The following GRIK1 variants were observed in gnomAD, a reference collection of about 807,000 sequenced individuals.
GRIK1 encodes glutamate ionotropic receptor kainate type subunit 1.
A neutral mutation model predicts 105.7 loss-of-function variants in GRIK1; 69 were observed. That is an observed-to-expected ratio of 0.65 (90% CI 0.54 to 0.80). The LOEUF is 0.80. GRIK1 is among the 30% of genes least tolerant of loss of function. GRIK1 has a pLI of 0.00. For missense variants in GRIK1, 1,109 were observed against 1,167.3 expected (o/e 0.95, Z 0.73); for synonymous variants, 438 against 431.3 (o/e 1.02, Z -0.19).
At chr21:29,685,682 A>T (rs981285087) in intron 3 of GRIK1, among the ~76,000 whole-genome samples, 1 of 152,170 alleles carries the variant, frequency 6.6e-6, no homozygotes, top group Non-Finnish European at 1.5e-5. Flanking sequence ...TTAGCCATTA[A>T]CACTGTTGGG....
At chr21:29,586,603 G>T (rs1286564087) in intron 12 of GRIK1, among the ~76,000 whole-genome samples, 1 of 152,194 alleles carries the variant, frequency 6.6e-6, no homozygotes, top group Non-Finnish European at 1.5e-5. Flanking sequence ...GACAGCAAAT[G>T]TTTAAGCCAA....
Position 29,769,571 on chromosome 21 carries a change from G to T in GRIK1, c.119-75508C>A, listed in dbSNP as rs146718088. ...CACAATAGGGTTTGCGCTCCTAAGA[G>T]AATCTAATGTCCCCGCTGATCTGAC... On this transcript the variant is annotated intron_variant, in intron 1 of 17. Coordinates refer to ENST00000327783, the MANE Select transcript of GRIK1 (RefSeq NM_001330994.2). Among the ~76,000 whole-genome samples, 9 of 152,226 alleles carry T rather than the reference G, an allele frequency of 5.9e-5. No individual in the cohort carries two copies. The East Asian group carries it at 1.5e-3, about 26-fold the overall frequency.
chr21:29,566,375 T>C (rs1025445323), intron 14 of GRIK1, among the ~76,000 whole-genome samples: 2 of 152,216 alleles, frequency 1.3e-5, no homozygotes, highest in African/African-American at 4.8e-5. Flanking sequence ...AAATCTGAAA[T>C]CACCCAGGAT....
intron 1 of GRIK1, among the ~76,000 whole-genome samples, chr21:29,899,862 T>C (rs1335843208): frequency 6.6e-6 from 1 of 152,142 alleles, no homozygotes; most frequent in African/African-American, 2.4e-5. Context: ...CCTTCCCAAA[T>C]GTCTCAGACA....
intron 7 of GRIK1, among the ~76,000 whole-genome samples, chr21:29,621,358 T>A (rs889752198): frequency 6.6e-6 from 1 of 151,988 alleles, no homozygotes; most frequent in African/African-American, 2.4e-5. Context: ...GCTATGTAAC[T>A]AGAAAATTGA....
At chr21:29,765,371 T>G (rs1178627734) in intron 1 of GRIK1, among the ~76,000 whole-genome samples, 1 of 152,104 alleles carries the variant, frequency 6.6e-6, no homozygotes, top group Admixed American at 6.5e-5. Context: ...ACTTTGCAAT[T>G]TCCTTCTAAT....
Position 29,683,700 on chromosome 21 carries a change from A to G in GRIK1, c.544+6028T>C, listed in dbSNP as rs532863055. Reference sequence around the variant, plus strand: ...CTGCATGGGTGACAGGATCATTCATACTCCAAACCTCAACATCATGCAATA... The same window carrying G: ...CTGCATGGGTGACAGGATCATTCATGCTCCAAACCTCAACATCATGCAATA... On this transcript the variant is annotated intron_variant, in intron 3 of 17. Transcript: ENST00000327783. Among the ~76,000 whole-genome samples the G allele has an allele frequency of 3.4e-3, 513 of 152,246 alleles. 1 individual carries two copies. Among genetic ancestry groups the G allele is most frequent in the Non-Finnish European group, 6.2e-3 (424 of 68,014 alleles).
At chr21:29,781,839 T>G (rs1226072794) in intron 1 of GRIK1, among the ~76,000 whole-genome samples, 1 of 144,740 alleles carries the variant, frequency 6.9e-6, no homozygotes, top group African/African-American at 2.6e-5. Context: ...CCCGGCTAAT[T>G]TTTTGTATTT....
intron 1 of GRIK1, among the ~76,000 whole-genome samples, chr21:29,761,101 T>G (rs2065502648): frequency 6.6e-6 from 1 of 152,224 alleles, no homozygotes; most frequent in Non-Finnish European, 1.5e-5. Flanking sequence ...AGTTTCACCA[T>G]GAAGCCTGTG....
intron 1 of GRIK1, among the ~76,000 whole-genome samples, chr21:29,876,395 T>C (rs1006324515): frequency 1.3e-5 from 2 of 152,168 alleles, no homozygotes; most frequent in African/African-American, 4.8e-5. Flanking sequence ...TATAGGAATA[T>C]ATTTGTGTCT....
chr21:29,849,254 G>A (rs547449107), intron 1 of GRIK1, among the ~76,000 whole-genome samples: 1 of 152,158 alleles, frequency 6.6e-6, no homozygotes, highest in South Asian at 2.1e-4. Flanking sequence ...CTTCTAGTAT[G>A]GTGCCAAACA....
intron 1 of GRIK1, among the ~76,000 whole-genome samples, chr21:29,875,016 A>G (rs1287412475): frequency 7.3e-6 from 1 of 137,900 alleles, no homozygotes; most frequent in Non-Finnish European, 1.6e-5. Flanking sequence ...TTTTTTTTTA[A>G]TATGTGTGTG....
intron 1 of GRIK1, among the ~76,000 whole-genome samples, chr21:29,773,277 G>A (rs2065859340): frequency 6.6e-6 from 1 of 152,150 alleles, no homozygotes; most frequent in African/African-American, 2.4e-5. Context: ...GGACACAGAG[G>A]GCTGTATTTT....
At chr21:29,630,729 T>C (rs1052289078) in intron 7 of GRIK1, 3 of 380,560 alleles carry the variant, frequency 7.9e-6, no homozygotes, top group African/African-American at 6.4e-5. Context: ...AGATAATAAA[T>C]GATTGTTGTT....
chr21:29,764,471 C>T (rs2065608435), intron 1 of GRIK1, among the ~76,000 whole-genome samples: 1 of 152,084 alleles, frequency 6.6e-6, no homozygotes, highest in South Asian at 2.1e-4. Flanking sequence ...AAGTAATTTC[C>T]CTATTGCAAA....
chr21:29,722,276 GTATT>G (rs1339564505), intron 1 of GRIK1, among the ~76,000 whole-genome samples: 1 of 152,076 alleles, frequency 6.6e-6, no homozygotes, highest in Non-Finnish European at 1.5e-5. Flanking sequence ...TGGTTGGAGG[GTATT>G]ATCATAAAAA....
At chr21:29,859,176 C>T (rs2068558289) in intron 1 of GRIK1, among the ~76,000 whole-genome samples, 1 of 142,786 alleles carries the variant, frequency 7.0e-6, no homozygotes, top group South Asian at 2.2e-4. Flanking sequence ...AACACTTGGA[C>T]ACAGGAAGGG....
rs7283994 is a variant in GRIK1, at chr21:29,903,666, G to A, written c.118+35717C>T. On this transcript the variant is annotated intron_variant, in intron 1 of 17. Coordinates refer to ENST00000327783, the MANE Select transcript of GRIK1 (RefSeq NM_001330994.2). ...GGAGAGGTTGTGGAAAAATAGAAAC[G>A]CTTTTATACTGTTGGTGGAAGTGTA... 2.8e-3 allele frequency among the ~76,000 whole-genome samples: 428 copies of A among 152,240 alleles called. 2 individuals carry two copies. Among genetic ancestry groups the A allele is most frequent in the African/African-American group, 9.1e-3 (379 of 41,538 alleles).
At chr21:29,828,011 CTGTG>C (rs138594747) in intron 1 of GRIK1, among the ~76,000 whole-genome samples, 1,153 of 76,480 alleles carry the variant, frequency 0.015, 17 homozygotes, top group East Asian at 0.11. Flanking sequence ...CTGTCTCTCT[CTGTG>C]TGTGTGTGTG....
Sources: gnomAD v4.1 joint callset for allele counts (sites outside exome capture counted in the v4.1 genomes callset) on GRCh38, gnomAD v4.1.1 for gene constraint, MANE v1.5 for transcripts, NCBI Gene and HGNC (gene_info 2026-07-23, HGNC 2026-07-21) for gene names.